ASTN2: variants seen among roughly 807,000 people sequenced by gnomAD.
The protein encoded by ASTN2 is astrotactin 2, also known as astrotactin-2.
In ASTN2, 54 loss-of-function variants were observed where a neutral mutation model predicts 139.8. The observed-to-expected ratio is 0.39, with a 90% CI of 0.31 to 0.48. The LOEUF is 0.48. ASTN2 is among the 20% of genes least tolerant of loss of function. The probability of loss-of-function intolerance (pLI) is 0.95; values close to 1 mark genes in which losing one functional copy is unlikely to be tolerated. For missense variants in ASTN2, 1,565 were observed against 1,725.1 expected (o/e 0.91, Z 1.64); for synonymous variants, 756 against 719.5 (o/e 1.05, Z -0.81).
At chr9:117,149,165 A>G (rs959990155) in intron 3 of ASTN2, among the ~76,000 whole-genome samples, 6 of 151,978 alleles carry the variant, frequency 3.9e-5, no homozygotes, top group African/African-American at 1.4e-4. Context: ...GATTATAGGC[A>G]TGTACCACCA....
At chr9:117,214,325 C>T (rs754025200) in intron 3 of ASTN2, 33 bp downstream of exon 3, 7 of 1,533,456 alleles carry the variant, frequency 4.6e-6, no homozygotes, top group Non-Finnish European at 5.3e-6. Flanking sequence ...CAAAATGCCC[C>T]CTGGAAAATG....
intron 10 of ASTN2, among the ~76,000 whole-genome samples, chr9:116,866,130 G>C (rs1833008144): frequency 6.6e-6 from 1 of 152,172 alleles, no homozygotes; most frequent in Non-Finnish European, 1.5e-5. Flanking sequence ...CTCCCAGAGA[G>C]ACTATAAGCT....
chr9:117,012,977 G>C (rs1159586321), intron 6 of ASTN2, among the ~76,000 whole-genome samples: 3 of 152,148 alleles, frequency 2.0e-5, no homozygotes, highest in African/African-American at 7.2e-5. Context: ...AGGAAGATCA[G>C]ATATGAAAAA....
chr9:116,968,525 C>G (rs768164888), intron 10 of ASTN2, among the ~76,000 whole-genome samples: 1 of 152,116 alleles, frequency 6.6e-6, no homozygotes, highest in African/African-American at 2.4e-5. Flanking sequence ...AAAGAGCATG[C>G]ATGTTCTCTC....
At chr9:117,279,867 G>A (rs1834283950) in intron 2 of ASTN2, among the ~76,000 whole-genome samples, 1 of 152,142 alleles carries the variant, frequency 6.6e-6, no homozygotes, top group African/African-American at 2.4e-5. Flanking sequence ...GCTACATAAT[G>A]CTCATTTCTC....
At chr9:117,120,254 G>A (rs563048171) in intron 4 of ASTN2, among the ~76,000 whole-genome samples, 112 of 151,776 alleles carry the variant, frequency 7.4e-4, no homozygotes, top group African/African-American at 2.6e-3. Context: ...CCTGCACAAT[G>A]AGTCATCACG....
chr9:116,850,337 A>G (rs1832564719), intron 11 of ASTN2, among the ~76,000 whole-genome samples: 1 of 152,174 alleles, frequency 6.6e-6, no homozygotes, highest in South Asian at 2.1e-4. Context: ...CCATGTTGAG[A>G]TGCTGTTGTA....
intron 6 of ASTN2, among the ~76,000 whole-genome samples, chr9:117,022,132 A>G (rs1837902598): frequency 6.6e-6 from 1 of 152,168 alleles, no homozygotes; most frequent in African/African-American, 2.4e-5. Context: ...ACATGGATAT[A>G]TACACATCAG....
chr9:116,609,322 C>CTATATATATA (rs199622984), intron 19 of ASTN2, among the ~76,000 whole-genome samples: 23 of 105,630 alleles, frequency 2.2e-4, no homozygotes, highest in African/African-American at 8.4e-4. Flanking sequence ...CTCTCTCTCT[C>CTATATATATA]TCTCTCTATA....
intron 6 of ASTN2, among the ~76,000 whole-genome samples, chr9:117,017,687 T>A (rs1433198532): frequency 6.6e-6 from 1 of 152,188 alleles, no homozygotes; most frequent in Non-Finnish European, 1.5e-5. Flanking sequence ...GGCCTTCATG[T>A]TTTTTTATTG....
At chr9:116,942,830 A>T (rs1462184996) in intron 10 of ASTN2, among the ~76,000 whole-genome samples, 2 of 152,224 alleles carry the variant, frequency 1.3e-5, no homozygotes, top group Non-Finnish European at 2.9e-5. Context: ...AGTCAGCCTT[A>T]GCCCAGAGGC....
intron 22 of ASTN2, 30 bp from the exon 23 acceptor site, chr9:116,426,118 A>G: frequency 6.2e-7 from 1 of 1,607,272 alleles, no homozygotes; most frequent in Admixed American, 1.7e-5. Context: ...AGCCATGATT[A>G]AAGAAGTCCA....
At chr9:116,702,459 C>CTATT (rs1827856423) in intron 16 of ASTN2, among the ~76,000 whole-genome samples, 1 of 152,118 alleles carries the variant, frequency 6.6e-6, no homozygotes, top group Non-Finnish European at 1.5e-5. Context: ...TTTCTACTGT[C>CTATT]TATTTCACAT....
chr9:117,140,093 T>G (rs1437948622), intron 4 of ASTN2, among the ~76,000 whole-genome samples: 3 of 152,200 alleles, frequency 2.0e-5, no homozygotes, highest in African/African-American at 4.8e-5. Context: ...TTCATAGGGT[T>G]GCTGTGAGGA....
At chr9:116,867,528 C>G (rs4836881) in intron 10 of ASTN2, among the ~76,000 whole-genome samples, 72,351 of 135,340 alleles carry the variant, frequency 0.53, 19,638 homozygotes, top group South Asian at 0.7. Flanking sequence ...CCAGCCTGGG[C>G]GACAGAGCGA....
chr9:116,697,863 C>T, intron 16 of ASTN2: 2 of 1,614,192 alleles, frequency 1.2e-6, no homozygotes, highest in Non-Finnish European at 1.7e-6. Context: ...GCACTGTGGC[C>T]ATACCATCTG....
chr9:117,000,363 C>T (rs1032481675), intron 7 of ASTN2, among the ~76,000 whole-genome samples: 2 of 152,210 alleles, frequency 1.3e-5, no homozygotes, highest in Non-Finnish European at 2.9e-5. Context: ...CTGTGGTTCA[C>T]TACATGCTTG....
chr9:116,825,826 T>A (rs1204406782), intron 11 of ASTN2, among the ~76,000 whole-genome samples: 1 of 152,158 alleles, frequency 6.6e-6, no homozygotes, highest in Non-Finnish European at 1.5e-5. Flanking sequence ...AGAACCCAAA[T>A]AAAATCCCAC....
At chr9:116,905,279 T>C (rs1834124924) in intron 10 of ASTN2, among the ~76,000 whole-genome samples, 1 of 151,444 alleles carries the variant, frequency 6.6e-6, no homozygotes, top group African/African-American at 2.4e-5. Flanking sequence ...CCAGCAGGAG[T>C]TGGTGTGATA....
Sources: gnomAD v4.1 joint callset for allele counts (sites outside exome capture counted in the v4.1 genomes callset) on GRCh38, gnomAD v4.1.1 for gene constraint, MANE v1.5 for transcripts, NCBI Gene and HGNC (gene_info 2026-07-23, HGNC 2026-07-21) for gene names.